Variants in CCNH observed in about 807,000 individuals in gnomAD.
CCNH encodes the protein cyclin H.
In CCNH, 31 loss-of-function variants were observed where a neutral mutation model predicts 41.9. The observed-to-expected ratio is 0.74, with a 90% confidence interval of 0.56 to 1.00. The LOEUF is 1.00. Among genes scored for constraint, CCNH ranks in the 50% least tolerant of loss-of-function variants. The probability of loss-of-function intolerance (pLI) is 0.00; values close to 1 mark genes in which losing one functional copy is unlikely to be tolerated. For synonymous variants in CCNH, 138 were observed against 136.1 expected (o/e 1.01, Z -0.10); for missense variants, 362 against 388.4 (o/e 0.93, Z 0.57).
At chr5:87,385,540 G>A (rs959005717) in intron 9 of CCNH, 9 of 681,222 alleles carry the variant, frequency 1.3e-5, no homozygotes, top group South Asian at 7.4e-5. Flanking sequence ...AAAGTAGCTT[G>A]TTTAAATTTT....
chr5:87,401,603 CAAA>C (rs1231925357), intron 6 of CCNH, 96 bp downstream of exon 6: 2 of 755,282 alleles, frequency 2.6e-6, no homozygotes, highest in African/African-American at 1.8e-5. Flanking sequence ...GAAATCTAAA[CAAA>C]AATCTGTTAT....
At chr5:87,334,234 G>GGAGC (rs1261775914) in intron 9 of CCNH, among the ~76,000 whole-genome samples, 1 of 152,164 alleles carries the variant, frequency 6.6e-6, no homozygotes, top group Non-Finnish European at 1.5e-5. Flanking sequence ...GAGAACCAGG[G>GGAGC]GAGCCTATGG....
At chr5:87,403,170 A>G (rs1236290681) in intron 5 of CCNH, among the ~76,000 whole-genome samples, 1 of 151,988 alleles carries the variant, frequency 6.6e-6, no homozygotes, top group Non-Finnish European at 1.5e-5. Flanking sequence ...ACATATCCCA[A>G]AAATTTGCCT....
intron 5 of CCNH, among the ~76,000 whole-genome samples, chr5:87,403,843 T>C (rs1763597605): frequency 6.6e-6 from 1 of 152,174 alleles, no homozygotes; most frequent in East Asian, 1.9e-4. Context: ...TCCATATACA[T>C]CAGTAATTTA....
chr5:87,342,394 A>G (rs983577394), intron 9 of CCNH, among the ~76,000 whole-genome samples: 3 of 152,004 alleles, frequency 2.0e-5, no homozygotes, highest in African/African-American at 7.2e-5. Flanking sequence ...CCTGACCTCA[A>G]GTAATCTACC....
At chr5:87,367,543 C>G (rs1358836204) in intron 9 of CCNH, among the ~76,000 whole-genome samples, 2 of 152,130 alleles carry the variant, frequency 1.3e-5, no homozygotes, top group African/African-American at 2.4e-5. Flanking sequence ...TGCAATTTTT[C>G]CAGATTATTT....
At chr5:87,367,850 TTTAGAGGTAATGTATCTTTGTCTTTTCTC>T (rs1365666045) in intron 9 of CCNH, among the ~76,000 whole-genome samples, 14 of 152,198 alleles carry the variant, frequency 9.2e-5, no homozygotes, top group Non-Finnish European at 1.6e-4. Flanking sequence ...TTGTTTCTGT[TTTAGAGGTAATGTATCTTTGTCTTTTCTC>T]TTAGAGGTAA....
chr5:87,319,088 C>G (rs987160534), intron 9 of CCNH, among the ~76,000 whole-genome samples: 9 of 152,210 alleles, frequency 5.9e-5, no homozygotes, highest in Admixed American at 6.5e-5. Context: ...GTCTCACATC[C>G]AGGGCACGCT....
At chr5:87,396,470 A>G (rs572232787) in intron 7 of CCNH, among the ~76,000 whole-genome samples, 3 of 152,236 alleles carry the variant, frequency 2.0e-5, no homozygotes, top group Admixed American at 2.0e-4. Context: ...AAAATACAAA[A>G]AAAAATTAGC....
chr5:87,385,568 C>G (rs1035937064), intron 9 of CCNH, among the ~76,000 whole-genome samples: 70 of 151,990 alleles, frequency 4.6e-4, no homozygotes, highest in Non-Finnish European at 1.0e-3. Context: ...AATAGTGGAA[C>G]TTTAAAAAAC....
downstream of CCNH, chr5:87,392,319 A>G (rs1473767867): frequency 6.6e-6 from 3 of 455,896 alleles, no homozygotes; most frequent in African/African-American, 6.0e-5. Context: ...GTTCCAAGCT[A>G]CAAAAGGCAG....
At chr5:87,376,336 C>G in exon 1 of CCNH, 1 of 1,587,780 alleles carries the variant, frequency 6.3e-7, no homozygotes, top group Non-Finnish European at 8.6e-7. Context: ...AATTTACTTG[C>G]ATGACTAATT....
downstream of CCNH, chr5:87,392,131 A>G (rs1762571034): frequency 1.0e-5 from 4 of 394,926 alleles, no homozygotes; most frequent in Admixed American, 1.3e-4. Context: ...GATAGGACAT[A>G]TGGAACATAC....
At chr5:87,412,277 T>C (rs1764311065) in intron 1 of CCNH, 1 of 353,838 alleles carries the variant, frequency 2.8e-6, no homozygotes. Flanking sequence ...ACCATCTCTG[T>C]AACTTCTGAC....
intron 9 of CCNH, among the ~76,000 whole-genome samples, chr5:87,332,095 A>ATG (rs762284573): frequency 1.3e-5 from 2 of 152,158 alleles, no homozygotes; most frequent in South Asian, 4.1e-4. Context: ...CAGTAGTACC[A>ATG]TGATACCACA....
chr5:87,397,551 G>A (rs780314336), intron 7 of CCNH, among the ~76,000 whole-genome samples: 7 of 151,972 alleles, frequency 4.6e-5, no homozygotes, highest in Non-Finnish European at 7.4e-5. Context: ...CACTTTTCTA[G>A]TAATTCATTT....
chr5:87,409,928 G>A (rs1389365162), intron 2 of CCNH, among the ~76,000 whole-genome samples: 1 of 152,028 alleles, frequency 6.6e-6, no homozygotes, highest in Non-Finnish European at 1.5e-5. Flanking sequence ...TGCTAAACAC[G>A]AAACTATCAT....
chr5:87,409,135 TA>T (rs796219832), intron 3 of CCNH, 154 bp downstream of exon 3: 19,991 of 336,218 alleles, frequency 0.059, 1 homozygote, highest in East Asian at 0.083. Context: ...AAGTTCTGAA[TA>T]AAAAAAAAAA....
chr5:87,354,256 TG>T (rs1759489302), intron 9 of CCNH, among the ~76,000 whole-genome samples: 1 of 152,174 alleles, frequency 6.6e-6, no homozygotes. Context: ...TGCCTTATTA[TG>T]TTTCAAAGAT....
Sources: allele counts gnomAD v4.1 joint callset (sites outside exome capture counted in the v4.1 genomes callset), GRCh38; gene constraint gnomAD v4.1.1; transcripts MANE v1.5; gene names NCBI Gene and HGNC (gene_info 2026-07-23, HGNC 2026-07-21).